The following CUBN variants were observed in gnomAD, a reference collection of about 807,000 sequenced individuals.
The protein encoded by CUBN is cubilin, also known as 460 kDa receptor.
A neutral mutation model predicts 405.3 loss-of-function variants in CUBN; 282 were observed. The observed-to-expected ratio is 0.70, with a 90% confidence interval of 0.63 to 0.77. CUBN has a LOEUF of 0.77. Among genes scored for constraint, CUBN ranks in the 30% least tolerant of loss-of-function variants. The probability of loss-of-function intolerance (pLI) is 0.00; values close to 1 mark genes in which losing one functional copy is unlikely to be tolerated. For missense variants in CUBN, 4,514 were observed against 4,475.2 expected, an observed-to-expected ratio of 1.01 and a Z score of -0.25; for synonymous variants, 1,684 against 1,617.0, an observed-to-expected ratio of 1.04 and a Z score of -0.99.
rs1212729064 is a variant in CUBN at position 17,071,963 on chromosome 10, A to G, written c.2310T>C (p.Asp770=). The stretch of plus-strand genomic sequence containing the variant: ...AGACTTTTCCAAGTAAGGTTTCACC[A>G]TCTCGAACCTAAAGAGAAAAATAAA... ...DSSQNYIEVR[D]GETLLGKVCG... Residue 770 remains aspartate, a synonymous_variant, in exon 18 of 67, where the codon GAT becomes GAC. Transcript: ENST00000377833. 1 of 1,611,810 alleles carries G rather than the reference A, an allele frequency of 6.2e-7. No individual in the cohort carries two copies. The highest frequency in any genetic ancestry group is 1.3e-5 in the African/African-American group (1 of 74,858).
chr10:16,855,270 A>C (rs1839839402), intron 59 of CUBN, among the ~76,000 whole-genome samples: 2 of 151,748 alleles, frequency 1.3e-5, no homozygotes, highest in Non-Finnish European at 2.9e-5. Context: ...TTAATTCTTC[A>C]GTATCTCTCT....
Position 16,900,653 on chromosome 10 carries a change from A to T in CUBN, c.8382T>A (p.Phe2794Leu). ...AAGTTTGTGTGTTCCACGTAGCATA[A>T]AATCCACCACCTTGCAATGAATGGT... ...NSDHSLQGGGFYATWNTQTLG... is the reference protein window; with the variant it reads ...NSDHSLQGGGLYATWNTQTLG... Residue 2794 changes from phenylalanine (F) to leucine (L), a missense_variant, in exon 53 of 67, where the codon TTT becomes TTA. Coordinates refer to ENST00000377833, the MANE Select transcript of CUBN (RefSeq NM_001081.4). 6.2e-7 allele frequency: 1 copy of T among 1,614,186 alleles called. No individual in the cohort carries two copies. The highest frequency in any genetic ancestry group is 1.1e-5 in the South Asian group (1 of 91,090).
chr10:17,101,352 A>G (rs1433793852), intron 13 of CUBN, among the ~76,000 whole-genome samples: 3 of 151,180 alleles, frequency 2.0e-5, no homozygotes, highest in African/African-American at 7.3e-5. Flanking sequence ...TTTTTTTTTC[A>G]AAAGAATGTT....
At chr10:17,095,056 G>C (rs2131290562) in intron 14 of CUBN, among the ~76,000 whole-genome samples, 1 of 152,104 alleles carries the variant, frequency 6.6e-6, no homozygotes, top group Non-Finnish European at 1.5e-5. Context: ...ATTAAAAACA[G>C]ATATCTAGAC....
chr10:17,072,571 A>G (rs1208388273), intron 17 of CUBN, among the ~76,000 whole-genome samples: 6 of 152,124 alleles, frequency 3.9e-5, no homozygotes, highest in African/African-American at 1.4e-4. Context: ...TTTTTAAGTT[A>G]GAAAAAAATC....
At chr10:17,057,853 T>C (rs1362049476) in intron 22 of CUBN, among the ~76,000 whole-genome samples, 3 of 152,104 alleles carry the variant, frequency 2.0e-5, no homozygotes, top group Non-Finnish European at 4.4e-5. Flanking sequence ...CCGGGTGCGG[T>C]GGCTCACGCC....
intron 3 of CUBN, among the ~76,000 whole-genome samples, chr10:17,127,002 GT>G (rs1213425204): frequency 6.6e-6 from 1 of 151,486 alleles, no homozygotes; most frequent in Non-Finnish European, 1.5e-5. Flanking sequence ...GATTTCTGGG[GT>G]TTTTTTAAGT....
chr10:16,948,735 C>T (rs1842849416), intron 34 of CUBN, 129 bp from the exon 35 acceptor site: 2 of 1,118,024 alleles, frequency 1.8e-6, no homozygotes, highest in Admixed American at 4.0e-5. Context: ...CTAGGAGAAC[C>T]ACTTCATTCA....
At chr10:17,080,519 G>T (rs1032542176) in intron 17 of CUBN, among the ~76,000 whole-genome samples, 1 of 152,278 alleles carries the variant, frequency 6.6e-6, no homozygotes, top group South Asian at 2.1e-4. Context: ...TTCTCCAGAA[G>T]GCACATCGCT....
chr10:17,051,991 A>T (rs1835280328), intron 22 of CUBN, among the ~76,000 whole-genome samples: 1 of 152,104 alleles, frequency 6.6e-6, no homozygotes, highest in African/African-American at 2.4e-5. Flanking sequence ...ACACTTGGAC[A>T]TGTCAGAGTG....
intron 59 of CUBN, among the ~76,000 whole-genome samples, chr10:16,866,959 G>A (rs905921860): frequency 7.2e-5 from 11 of 152,140 alleles, no homozygotes; most frequent in Non-Finnish European, 4.4e-5. Flanking sequence ...TGCACAAGGC[G>A]AATTGAACCT....
chr10:17,112,302 A>T (rs946726928), intron 8 of CUBN, among the ~76,000 whole-genome samples: 3 of 152,120 alleles, frequency 2.0e-5, no homozygotes, highest in African/African-American at 7.2e-5. Context: ...AAAACGCCCA[A>T]ATGTTCATCA....
chr10:16,906,188 T>G lies in CUBN; in HGVS notation c.7912+15A>C, dbSNP rs1554791240. The stretch of plus-strand genomic sequence containing the variant: ...TGTAGATAAATGGGAAAACGCATTC[T>G]TAGATAGAACTCACCCACTCGAAAC... On this transcript the variant is annotated intron_variant, in intron 50 of 66. Coordinates refer to ENST00000377833, the MANE Select transcript of CUBN (RefSeq NM_001081.4). 1 of 1,576,520 alleles carries G rather than the reference T, an allele frequency of 6.3e-7. No individual in the cohort carries two copies. Among genetic ancestry groups the G allele is most frequent in the Non-Finnish European group, 8.7e-7 (1 of 1,145,928 alleles).
chr10:17,070,281 AGTT>A (rs1372985397), intron 19 of CUBN, among the ~76,000 whole-genome samples: 2 of 152,174 alleles, frequency 1.3e-5, no homozygotes, highest in Admixed American at 6.6e-5. Context: ...CTTTGTTCTA[AGTT>A]TTGAAATCAG....
chr10:16,890,414 A>C lies in CUBN; in HGVS notation c.8712T>G (p.Ser2904=). ...AGAAGCCCTGAGCTGGTGCCTCCTGAGACTGGAAGACGGCAGTGAATGTGT... is the reference window on the plus strand; with the variant it reads ...AGAAGCCCTGAGCTGGTGCCTCCTGCGACTGGAAGACGGCAGTGAATGTGT... ...PSNTFTAVFQ[S]QEAPAQGFSA... Residue 2904 remains serine (S), a synonymous_variant, in exon 55 of 67, where the codon TCT becomes TCG. Transcript: ENST00000377833. 6.2e-7 allele frequency: 1 copy of C among 1,613,984 alleles called. No homozygotes were observed. The highest frequency in any genetic ancestry group is 8.5e-7 in the Non-Finnish European group (1 of 1,180,016).
chr10:16,850,480 A>C (rs1173823801), intron 60 of CUBN, among the ~76,000 whole-genome samples: 3 of 152,158 alleles, frequency 2.0e-5, no homozygotes, highest in African/African-American at 7.2e-5. Flanking sequence ...TTATTTATTT[A>C]TTTATTTTTG....
intron 56 of CUBN, 124 bp from the exon 57 acceptor site, chr10:16,877,221 G>A (rs965955024): frequency 5.8e-6 from 5 of 868,252 alleles, no homozygotes; most frequent in South Asian, 2.9e-5. Context: ...AATGAGAAAC[G>A]AGATATTTAA....
At chr10:16,847,000 T>A (rs1397694824) in intron 60 of CUBN, among the ~76,000 whole-genome samples, 1 of 152,018 alleles carries the variant, frequency 6.6e-6, no homozygotes, top group Non-Finnish European at 1.5e-5. Flanking sequence ...TCTGTTCATT[T>A]TGTAAATTCC....
chr10:16,881,032 T>G (rs544697000), intron 56 of CUBN, among the ~76,000 whole-genome samples: 1 of 152,352 alleles, frequency 6.6e-6, no homozygotes, highest in South Asian at 2.1e-4. Flanking sequence ...TATTTGTCTT[T>G]AAGACATCAA....
Sources: gnomAD v4.1 joint callset for allele counts (sites outside exome capture counted in the v4.1 genomes callset) on GRCh38, gnomAD v4.1.1 for gene constraint, MANE v1.5 for transcripts, NCBI Gene and HGNC (gene_info 2026-07-23, HGNC 2026-07-21) for gene names.